ITGAE: variants seen among roughly 807,000 people sequenced by gnomAD.
ITGAE encodes the protein integrin subunit alpha E.
In ITGAE, 99 loss-of-function variants were observed where a neutral mutation model predicts 136.5. The observed-to-expected ratio is 0.73, with a 90% confidence interval of 0.62 to 0.86. ITGAE has a LOEUF of 0.86. Among genes scored for constraint, ITGAE ranks in the 40% least tolerant of loss-of-function variants. The pLI, the probability that ITGAE is intolerant of heterozygous loss-of-function variation, is 0.00. For synonymous variants in ITGAE, 613 were observed against 591.8 expected, an observed-to-expected ratio of 1.04 and a Z score of -0.52; for missense variants, 1,447 against 1,515.3, an observed-to-expected ratio of 0.95 and a Z score of 0.75.
intron 18 of ITGAE, 120 bp downstream of exon 18, chr17:3,745,644 T>A: frequency 2.0e-6 from 2 of 1,022,226 alleles, no homozygotes; most frequent in Non-Finnish European, 1.4e-6. Context: ...GCCTGGCCTG[T>A]TATGATTATT....
At chr17:3,755,940 G>A (rs2052010288) in intron 10 of ITGAE, 43 bp from the exon 11 acceptor site, 1 of 1,551,362 alleles carries the variant, frequency 6.4e-7, no homozygotes. Context: ...GGGCCGAGGT[G>A]AAGGGAGAAA....
At chr17:3,775,656 A>G (rs2052522985) in intron 2 of ITGAE, among the ~76,000 whole-genome samples, 1 of 150,068 alleles carries the variant, frequency 6.7e-6, no homozygotes, top group Non-Finnish European at 1.5e-5. Flanking sequence ...TTTAGTGGAG[A>G]CGGGGTTTCG....
chr17:3,750,121 G>T (rs1182847454), intron 16 of ITGAE, among the ~76,000 whole-genome samples: 1 of 152,216 alleles, frequency 6.6e-6, no homozygotes, highest in Non-Finnish European at 1.5e-5. Context: ...GCTCTGGGAG[G>T]TAGGTGCTCT....
chr17:3,789,193 G>A (rs2052876817), intron 1 of ITGAE, among the ~76,000 whole-genome samples: 2 of 152,178 alleles, frequency 1.3e-5, no homozygotes, highest in Middle Eastern at 3.4e-3. Flanking sequence ...GCTGCAGTGA[G>A]CCTTGATCAC....
At chr17:3,766,792 AAATAATAAT>A (rs146384772) in intron 2 of ITGAE, among the ~76,000 whole-genome samples, 47,912 of 136,516 alleles carry the variant, frequency 0.35, 8,813 homozygotes, top group South Asian at 0.46. Flanking sequence ...AAAGAGTGCA[AAATAATAAT>A]AATAATAATA....
At position 3,754,700 on chromosome 17, in the gene ITGAE, C is replaced by A. The variant is rs773348280; in HGVS notation, c.1384+417G>T. 2.7e-3 allele frequency: 642 copies of A among 237,770 alleles called. 1 individual carries two copies. The highest frequency in any genetic ancestry group is 4.3e-3 in the Non-Finnish European group (503 of 117,512). The allele number at this position is 237,770 out of a possible 1,614,324, so 14.7% of individuals were successfully genotyped here. Reference sequence around the variant, plus strand: ...CCGCCCCTCGGCCCATGTGACTGACCAGGTCCCGCCCCCATCCGGAAACCT... The same window carrying A: ...CCGCCCCTCGGCCCATGTGACTGACAAGGTCCCGCCCCCATCCGGAAACCT... On this transcript the variant is annotated intron_variant, in intron 12 of 30. Transcript: ENST00000263087.
At chr17:3,794,823 G>A (rs1332548751) in intron 1 of ITGAE, among the ~76,000 whole-genome samples, 1 of 152,130 alleles carries the variant, frequency 6.6e-6, no homozygotes, top group Non-Finnish European at 1.5e-5. Context: ...ACGAGGGGTG[G>A]GTGGGGGGCC....
chr17:3,771,423 A>AG, intron 2 of ITGAE, among the ~76,000 whole-genome samples: 1 of 151,922 alleles, frequency 6.6e-6, no homozygotes, highest in African/African-American at 2.4e-5. Flanking sequence ...CGGGGCTTAG[A>AG]GGGGGCCTAG....
intron 11 of ITGAE, 47 bp downstream of exon 11, chr17:3,755,783 C>A (rs1326654137): frequency 7.9e-6 from 12 of 1,527,236 alleles, no homozygotes; most frequent in Non-Finnish European, 9.8e-6. Context: ...GTGTCCTGGG[C>A]CCCTCACCAA....
intron 26 of ITGAE, 66 bp from the exon 27 acceptor site, chr17:3,723,810 G>C (rs1444964801): frequency 6.3e-7 from 1 of 1,581,998 alleles, no homozygotes; most frequent in East Asian, 2.2e-5. Context: ...GTCCCGTCCC[G>C]GCCCCGGCCC....
At position 3,780,759 on chromosome 17, in the gene ITGAE, G is replaced by C. The variant is rs147681463; in HGVS notation, c.35-3099C>G. On this transcript the variant is annotated intron_variant, in intron 1 of 30. Coordinates refer to ENST00000263087, the MANE Select transcript of ITGAE (RefSeq NM_002208.5). ...TCTGTTGCCCTGGCTGGAGTGCAGT[G>C]GCATGATCATGGTTCCCTACAGTCT... Among the ~76,000 whole-genome samples, 38 of 152,106 alleles carry C rather than the reference G, an allele frequency of 2.5e-4. No individual in the cohort carries two copies. The East Asian group carries it at 6.6e-3, about 26-fold the overall frequency.
Position 3,729,551 on chromosome 17 carries a change from T to C in ITGAE, c.2839A>G (p.Asn947Asp), listed in dbSNP as rs1267103296. 6.3e-7 allele frequency: 1 copy of C among 1,583,828 alleles called. No homozygotes were observed. Among genetic ancestry groups the C allele is most frequent in the South Asian group, 1.1e-5 (1 of 90,230 alleles). ...ADITVTVTNS[N>D]ERRSLANETH... ...TCGTTGGCCAAAGACCGTCTTTCATTGGAACTAGGAATAAGAGTGTTAGTT... is the reference window on the plus strand; with the variant it reads ...TCGTTGGCCAAAGACCGTCTTTCATCGGAACTAGGAATAAGAGTGTTAGTT... Residue 947 changes from asparagine (N) to aspartate (D), a missense_variant, in exon 24 of 31, where the codon AAT (asparagine) becomes GAT (aspartate). By Grantham distance (23) the Asn-to-Asp change is conservative. Transcript: ENST00000263087.
In ITGAE at chr17:3,783,268, G is replaced by T. The variant is rs185757992; in HGVS notation, c.35-5608C>A. Among the ~76,000 whole-genome samples the T allele has an allele frequency of 2.0e-3, 300 of 152,306 alleles. 3 individuals carry two copies. Among genetic ancestry groups the T allele is most frequent in the African/African-American group, 6.9e-3 (285 of 41,562 alleles). On this transcript the variant is annotated intron_variant, in intron 1 of 30. Coordinates refer to ENST00000263087, the MANE Select transcript of ITGAE (RefSeq NM_002208.5). ...CAATTCTCCTGCCTCAGTCTCCGGA[G>T]TAGCTGGGATTACAGGCGCCCGCCA...
At position 3,729,635 on chromosome 17, in the gene ITGAE, C is replaced by G. The variant is rs531917513; in HGVS notation, c.2835-80G>C. Reference sequence around the variant, plus strand: ...TCTTAAAAAGGGCTTCGCTCTGTTGCCCAGGCAGGAGTGCAGTGTTGCCGT... The same window carrying G: ...TCTTAAAAAGGGCTTCGCTCTGTTGGCCAGGCAGGAGTGCAGTGTTGCCGT... On this transcript the variant is annotated intron_variant, in intron 23 of 30. Transcript: ENST00000263087. 9.5e-6 allele frequency: 9 copies of G among 952,196 alleles called. No individual in the cohort carries two copies. The African/African-American group carries it at 1.3e-4, about 13-fold the overall frequency. The allele number at this position is 952,196 out of a possible 1,614,324, so 59.0% of individuals were successfully genotyped here. A position where few individuals can be genotyped will look rare whatever the true frequency, so the allele number is the denominator to read the frequency against.
intron 4 of ITGAE, 51 bp from the exon 5 acceptor site, chr17:3,761,571 C>T (rs766529275): frequency 9.3e-5 from 139 of 1,491,368 alleles, no homozygotes; most frequent in Non-Finnish European, 1.1e-4. Context: ...TCCCGATTCC[C>T]GAGCCACAGC....
chr17:3,754,982 C>CTGTACTGCGCAG, intron 12 of ITGAE, 135 bp downstream of exon 12: 1 of 1,017,978 alleles, frequency 9.8e-7, no homozygotes, highest in Non-Finnish European at 1.3e-6. Context: ...ACCCAGGTAG[C>CTGTACTGCGCAG]CCCCAGGCCC....
chr17:3,723,231 G>A (rs1020544075), intron 28 of ITGAE, 57 bp downstream of exon 28: 1 of 1,131,358 alleles, frequency 8.8e-7, no homozygotes, highest in Non-Finnish European at 1.4e-6. Flanking sequence ...TCTCTTCTAG[G>A]GGCGATGCCC....
intron 2 of ITGAE, among the ~76,000 whole-genome samples, chr17:3,772,370 C>T (rs2052445129): frequency 6.6e-6 from 1 of 151,980 alleles, no homozygotes; most frequent in Non-Finnish European, 1.5e-5. Context: ...TATTGCCTGG[C>T]ACTGAGTAAG....
intron 1 of ITGAE, among the ~76,000 whole-genome samples, chr17:3,778,219 G>A (rs758079279): frequency 6.6e-6 from 1 of 152,178 alleles, no homozygotes; most frequent in Non-Finnish European, 1.5e-5. Flanking sequence ...ATCCTACTCA[G>A]GAGTAAAGAG....
Sources: allele counts gnomAD v4.1 joint callset (sites outside exome capture counted in the v4.1 genomes callset), GRCh38; gene constraint gnomAD v4.1.1; transcripts MANE v1.5; gene names NCBI Gene and HGNC (gene_info 2026-07-23, HGNC 2026-07-21).